IL1R1: variants seen among roughly 807,000 people sequenced by gnomAD.
IL1R1 encodes the protein interleukin-1 receptor type 1.
In IL1R1, 22 loss-of-function variants were observed where a neutral mutation model predicts 50.2. That is an observed-to-expected ratio of 0.44 (90% CI 0.31 to 0.63). IL1R1 has a LOEUF of 0.63. IL1R1 is among the 20% of genes least tolerant of loss of function. IL1R1 has a pLI of 0.07. For missense variants in IL1R1, 509 were observed against 676.2 expected (o/e 0.75, Z 2.74); for synonymous variants, 251 against 236.7 (o/e 1.06, Z -0.55).
At chr2:102,099,329 C>T (rs576608627) in intron 1 of IL1R1, among the ~76,000 whole-genome samples, 31 of 152,300 alleles carry the variant, frequency 2.0e-4, no homozygotes, top group Admixed American at 5.2e-4. Context: ...ATTGGATGTT[C>T]GTACCCATCC....
At chr2:102,071,421 T>A (rs1241548573) in intron 1 of IL1R1, among the ~76,000 whole-genome samples, 1 of 152,254 alleles carries the variant, frequency 6.6e-6, no homozygotes, top group Non-Finnish European at 1.5e-5. Context: ...AAAAATCCAT[T>A]GCATGGTATT....
rs77339092 is a variant in IL1R1, at chr2:102,093,611, G to A, written c.-84+23078G>A. Among the ~76,000 whole-genome samples the A allele has an allele frequency of 3.8e-3, 572 of 152,216 alleles. 11 individuals are homozygous for A. Among genetic ancestry groups the A allele is most frequent in the African/African-American group, 0.013 (530 of 41,512 alleles). ...GACTAGTGATATTGAGCATTTTTTC[G>A]TGTGCTTATTTGCCATCCATATATA... On this transcript the variant is annotated intron_variant, in intron 1 of 11. Coordinates refer to the IL1R1 transcript ENST00000409929.
chr2:102,176,769 G>A lies in IL1R1; in HGVS notation c.*10G>A, dbSNP rs1356355708. ...CGTGCCTCTCGGGTAGCATGGAGAA[G>A]TTGCCAAGAGTTCTTTAGGTGCCTC... On this transcript the variant is annotated 3_prime_UTR_variant, in exon 12 of 12. Transcript: ENST00000410023. 6.2e-7 allele frequency: 1 copy of A among 1,610,702 alleles called. No homozygotes were observed. Among genetic ancestry groups the A allele is most frequent in the Non-Finnish European group, 8.5e-7 (1 of 1,177,524 alleles).
At position 102,176,415 on chromosome 2, in the gene IL1R1, A is replaced by C. The variant is rs3917320; in HGVS notation, c.1366A>C (p.Arg456=). 76,378 of 1,614,118 alleles carry C rather than the reference A, an allele frequency of 0.047. 2,191 individuals are homozygous for C. The highest frequency in any genetic ancestry group is 0.15 in the Middle Eastern group (883 of 6,062). ...CAGAAGACTGATTATCATTTTAGTCAGAGAAACATCAGGCTTCAGCTGGCT... is the reference window on the plus strand; with the variant it reads ...CAGAAGACTGATTATCATTTTAGTCCGAGAAACATCAGGCTTCAGCTGGCT... ...KSRRLIIILV[R]ETSGFSWLGG... Residue 456 remains arginine, a synonymous_variant, in exon 12 of 12, where the codon AGA becomes CGA. Transcript: ENST00000410023.
chr2:102,097,203 G>A (rs1287970721), intron 1 of IL1R1, among the ~76,000 whole-genome samples: 1 of 152,094 alleles, frequency 6.6e-6, no homozygotes, highest in East Asian at 1.9e-4. Context: ...TACAAGCTAG[G>A]AATTATTTTC....
chr2:102,150,378 G>A (rs529585115), intron 1 of IL1R1, among the ~76,000 whole-genome samples: 1 of 152,048 alleles, frequency 6.6e-6, no homozygotes, highest in South Asian at 2.1e-4. Context: ...TCTGTTGGGG[G>A]CCAATATGCT....
At chr2:102,161,056 TA>T (rs1054279664) in intron 3 of IL1R1, among the ~76,000 whole-genome samples, 1 of 152,212 alleles carries the variant, frequency 6.6e-6, no homozygotes, top group African/African-American at 2.4e-5. Context: ...TTGAAATTTT[TA>T]AAAAATATAT....
At position 102,176,683 on chromosome 2, in the gene IL1R1, C is replaced by T; in HGVS notation, c.1634C>T (p.Pro545Leu). 1.2e-6 allele frequency: 2 copies of T among 1,614,182 alleles called. No individual in the cohort carries two copies. Among genetic ancestry groups the T allele is most frequent in the South Asian group, 2.2e-5 (2 of 91,076 alleles). The change falls in exon 12 of 12, where the codon CCT (proline) becomes CTT (leucine). Residue 545 changes from proline (P) to leucine (L), a missense_variant. Physicochemically the swap from Pro to Leu is moderately conservative, Grantham distance 98 (BLOSUM62 -3). Coordinates refer to ENST00000410023, the MANE Select transcript of IL1R1 (RefSeq NM_000877.4). ...CACATGCCAGTCCAGCGACGGTCAC[C>T]TTCATCTAAACACCAGTTACTGTCA... ...RYHMPVQRRS[P>L]SSKHQLLSPA... is the part of the protein sequence containing the mutation.
chr2:102,081,636 G>C (rs1442576391), intron 1 of IL1R1, among the ~76,000 whole-genome samples: 1 of 152,246 alleles, frequency 6.6e-6, no homozygotes, highest in Non-Finnish European at 1.5e-5. Context: ...AAAAGGGCTA[G>C]GGGATTTGCC....
intron 1 of IL1R1, among the ~76,000 whole-genome samples, chr2:102,080,058 A>C (rs757221177): frequency 3.3e-5 from 5 of 152,132 alleles, no homozygotes; most frequent in Non-Finnish European, 7.4e-5. Context: ...TTGCATCTCT[A>C]TCTCATACTG....
chr2:102,168,795 G>A (rs3917298), intron 7 of IL1R1, 132 bp downstream of exon 7: 10,828 of 636,174 alleles, frequency 0.017, 447 homozygotes, highest in South Asian at 0.11. Flanking sequence ...GAGGGAAAGT[G>A]AGACAAATTA....
chr2:102,133,160 C>G (rs1682133470), intron 1 of IL1R1, among the ~76,000 whole-genome samples: 1 of 147,068 alleles, frequency 6.8e-6, no homozygotes, highest in African/African-American at 2.5e-5. Flanking sequence ...AAGAGAATGG[C>G]ATGAACCCAG....
At chr2:102,157,970 C>T (rs1223787773) in intron 3 of IL1R1, among the ~76,000 whole-genome samples, 185 bp downstream of exon 3, 1 of 152,156 alleles carries the variant, frequency 6.6e-6, no homozygotes, top group Non-Finnish European at 1.5e-5. Flanking sequence ...TCATTCTCTC[C>T]CATATAGAGT....
At position 102,166,071 on chromosome 2, in the gene IL1R1, A is replaced by G. The variant is rs753376159; in HGVS notation, c.487-42A>G. The G allele has an allele frequency of 4.5e-6, 7 of 1,545,584 alleles. No individual in the cohort carries two copies. The African/African-American group carries it at 8.2e-5, about 18-fold the overall frequency. The stretch of plus-strand genomic sequence containing the variant: ...CTTTGGCGGTAGATTGGGGAAAGTT[A>G]TTGGTTATTGGTTTTCAATGCTTCT... On this transcript the variant is annotated intron_variant, in intron 5 of 11. Transcript: ENST00000410023.
chr2:102,081,005 A>G (rs997626504), intron 1 of IL1R1, among the ~76,000 whole-genome samples: 9 of 152,322 alleles, frequency 5.9e-5, no homozygotes, highest in African/African-American at 2.2e-4. Context: ...TGCTTAGAAT[A>G]AGCAAATTTA....
rs146542536 is a variant in IL1R1, at chr2:102,076,810, C to T, written c.-84+6277C>T. ...ATTTTTTGTATTAGGGCTTGTTGCC[C>T]TTCTTGGATCTGTGGGTTTACAGTT... On this transcript the variant is annotated intron_variant, in intron 1 of 11. Coordinates refer to the IL1R1 transcript ENST00000409929. Among the ~76,000 whole-genome samples the T allele has an allele frequency of 1.6e-3, 249 of 151,942 alleles. 1 individual carries two copies. Among genetic ancestry groups the T allele is most frequent in the African/African-American group, 5.8e-3 (241 of 41,438 alleles).
At chr2:102,125,186 C>A (rs948109266) in intron 1 of IL1R1, among the ~76,000 whole-genome samples, 6 of 152,340 alleles carry the variant, frequency 3.9e-5, no homozygotes, top group African/African-American at 2.4e-5. Context: ...TTAGCACATG[C>A]TGCCTTTACT....
At chr2:102,074,690 G>A (rs1265215358) in intron 1 of IL1R1, among the ~76,000 whole-genome samples, 1 of 152,186 alleles carries the variant, frequency 6.6e-6, no homozygotes, top group African/African-American at 2.4e-5. Flanking sequence ...GTCCAGTCAG[G>A]AGCACCCATT....
intron 2 of IL1R1, among the ~76,000 whole-genome samples, chr2:102,155,642 G>C (rs1175602015): frequency 6.6e-6 from 1 of 152,142 alleles, no homozygotes; most frequent in African/African-American, 2.4e-5. Flanking sequence ...GATCCCAAAA[G>C]CCCGCTGCTG....
Sources: allele counts gnomAD v4.1 joint callset (sites outside exome capture counted in the v4.1 genomes callset), GRCh38; gene constraint gnomAD v4.1.1; transcripts MANE v1.5; gene names NCBI Gene and HGNC (gene_info 2026-07-23, HGNC 2026-07-21).